CRCP: variants seen among roughly 807,000 people sequenced by gnomAD.
The protein encoded by CRCP is DNA-directed RNA polymerase III subunit RPC9.
In CRCP, 18 loss-of-function variants were observed where a neutral mutation model predicts 18.5. The observed-to-expected ratio is 0.97, with a 90% CI of 0.67 to 1.44. The LOEUF (loss-of-function observed/expected upper bound fraction) is 1.44, where lower values mean the gene tolerates loss of function less well. Among genes scored for constraint, CRCP ranks in the 40% most tolerant of loss-of-function variants. CRCP has a pLI of 0.00. For missense variants in CRCP, 130 were observed against 176.4 expected (o/e 0.74, Z 1.49); for synonymous variants, 53 against 62.9 (o/e 0.84, Z 0.75).
intron 4 of CRCP, among the ~76,000 whole-genome samples, chr7:66,135,934 AAAT>A (rs1362044543): frequency 1.3e-5 from 2 of 152,164 alleles, no homozygotes; most frequent in Non-Finnish European, 2.9e-5. Flanking sequence ...AAAAAAAAAA[AAAT>A]CTTTTCTTGG....
chr7:66,147,532 C>T (rs1788335302), intron 5 of CRCP, among the ~76,000 whole-genome samples: 2 of 152,270 alleles, frequency 1.3e-5, no homozygotes, highest in South Asian at 4.1e-4. Context: ...CTTTACTTTG[C>T]TCCTCCAAGC....
chr7:66,122,337 T>C (rs937598345), intron 1 of CRCP, among the ~76,000 whole-genome samples: 35 of 135,484 alleles, frequency 2.6e-4, no homozygotes, highest in African/African-American at 8.9e-4. Context: ...ATCGCGCCAC[T>C]GCACTCCAGC....
At chr7:66,122,191 C>T (rs937502864) in intron 1 of CRCP, among the ~76,000 whole-genome samples, 14 of 152,090 alleles carry the variant, frequency 9.2e-5, no homozygotes, top group Non-Finnish European at 1.9e-4. Flanking sequence ...CTGGCTAACA[C>T]AGTGAAACCC....
intron 1 of CRCP, among the ~76,000 whole-genome samples, chr7:66,124,612 G>A (rs1328551455): frequency 6.6e-6 from 1 of 151,132 alleles, no homozygotes; most frequent in African/African-American, 2.4e-5. Context: ...TCAAACTCCG[G>A]GACGAAGTGA....
At position 66,127,912 on chromosome 7, in the gene CRCP, A is replaced by G. The variant is rs138435428; in HGVS notation, c.45+172A>G. On this transcript the variant is annotated intron_variant, in intron 2 of 5. Transcript: ENST00000395326. ...GATCACTTGAGGTCAGGAGTTCAAA[A>G]CTAGCCTGGCCAACATGGTGAAACC... Among the ~76,000 whole-genome samples, 325 of 152,204 alleles carry G rather than the reference A, an allele frequency of 2.1e-3. 2 individuals are homozygous for G. The highest frequency in any genetic ancestry group is 7.7e-3 in the African/African-American group (318 of 41,534).
At chr7:66,121,309 C>T (rs1051452009) in intron 1 of CRCP, among the ~76,000 whole-genome samples, 3 of 151,844 alleles carry the variant, frequency 2.0e-5, no homozygotes, top group Non-Finnish European at 2.9e-5. Context: ...CCTCGGCCTC[C>T]GAAAGTGCTG....
chr7:66,131,571 A>T (rs1428554037), intron 3 of CRCP, among the ~76,000 whole-genome samples: 1 of 152,110 alleles, frequency 6.6e-6, no homozygotes, highest in Non-Finnish European at 1.5e-5. Flanking sequence ...GCAGCGTCCC[A>T]AAGTGCTGGG....
chr7:66,143,756 C>G (rs1788207878), intron 4 of CRCP, among the ~76,000 whole-genome samples: 1 of 152,206 alleles, frequency 6.6e-6, no homozygotes, highest in African/African-American at 2.4e-5. Flanking sequence ...CATTTACTAG[C>G]TTTGCAACTG....
chr7:66,132,155 T>A (rs370778884), intron 3 of CRCP, among the ~76,000 whole-genome samples: 1 of 142,446 alleles, frequency 7.0e-6, no homozygotes, highest in East Asian at 2.1e-4. Flanking sequence ...TACATAACCA[T>A]GGTACAGTGA....
chr7:66,120,369 C>T (rs1416021090), intron 1 of CRCP, among the ~76,000 whole-genome samples: 1 of 152,078 alleles, frequency 6.6e-6, no homozygotes, highest in Non-Finnish European at 1.5e-5. Context: ...GTTTGAATCA[C>T]GGGGTTTTGT....
intron 5 of CRCP, among the ~76,000 whole-genome samples, chr7:66,146,116 C>T (rs969516572): frequency 6.6e-6 from 1 of 152,212 alleles, no homozygotes; most frequent in Non-Finnish European, 1.5e-5. Flanking sequence ...GTTATCCTCT[C>T]CCCATTCTCC....
chr7:66,132,534 ATGT>A (rs995387139), intron 3 of CRCP, among the ~76,000 whole-genome samples: 2 of 152,224 alleles, frequency 1.3e-5, no homozygotes, highest in East Asian at 1.9e-4. Context: ...CTTATGGGTG[ATGT>A]TGTTAACTTT....
intron 4 of CRCP, among the ~76,000 whole-genome samples, chr7:66,144,540 G>A (rs1408479342): frequency 2.0e-5 from 3 of 152,178 alleles, no homozygotes; most frequent in Non-Finnish European, 2.9e-5. Flanking sequence ...CGCCCAGGCT[G>A]GAGTGCAGGC....
chr7:66,146,161 A>G (rs1788288306), intron 5 of CRCP, among the ~76,000 whole-genome samples: 2 of 152,298 alleles, frequency 1.3e-5, no homozygotes, highest in African/African-American at 2.4e-5. Context: ...CATCACCGTC[A>G]GAGATCACAT....
At chr7:66,144,596 G>C (rs1462120996) in intron 4 of CRCP, among the ~76,000 whole-genome samples, 1 of 152,062 alleles carries the variant, frequency 6.6e-6, no homozygotes, top group Non-Finnish European at 1.5e-5. Flanking sequence ...GCCTTCCGTA[G>C]CTGGGACTAC....
chr7:66,146,957 G>T (rs1362385714), intron 5 of CRCP, among the ~76,000 whole-genome samples: 2 of 152,192 alleles, frequency 1.3e-5, no homozygotes, highest in African/African-American at 2.4e-5. Flanking sequence ...TTAATGACAG[G>T]CAGAGAGAAG....
intron 1 of CRCP, among the ~76,000 whole-genome samples, chr7:66,116,231 A>T (rs1158394599): frequency 1.3e-5 from 2 of 152,096 alleles, no homozygotes; most frequent in East Asian, 3.9e-4. Context: ...GTGGTGGCTC[A>T]CACCAGCAAT....
At chr7:66,131,422 C>G (rs780906920) in intron 3 of CRCP, among the ~76,000 whole-genome samples, 3 of 152,140 alleles carry the variant, frequency 2.0e-5, no homozygotes, top group Non-Finnish European at 4.4e-5. Flanking sequence ...GCAGCCTCAA[C>G]CTCCTAGGCT....
chr7:66,129,055 C>G (rs1018720440), intron 2 of CRCP, among the ~76,000 whole-genome samples: 12 of 152,106 alleles, frequency 7.9e-5, no homozygotes, highest in African/African-American at 2.9e-4. Flanking sequence ...AATTAGCGGC[C>G]GGGCGCGGTG....
Sources: gnomAD v4.1 joint callset for allele counts (sites outside exome capture counted in the v4.1 genomes callset) on GRCh38, gnomAD v4.1.1 for gene constraint, MANE v1.5 for transcripts, NCBI Gene and HGNC (gene_info 2026-07-23, HGNC 2026-07-21) for gene names.